Variants in FBN3 observed in about 807,000 individuals in gnomAD.
The protein encoded by FBN3 is fibrillin 3.
In FBN3, 234 loss-of-function variants were observed where a neutral mutation model predicts 330.1. That is an observed-to-expected ratio of 0.71 (90% CI 0.64 to 0.79). The LOEUF is 0.79. Ranked by LOEUF, FBN3 falls within the 30% of genes least tolerant of loss-of-function variation. The pLI is 0.00. For missense variants in FBN3, 3,606 were observed against 3,886.9 expected (o/e 0.93, Z 1.92); for synonymous variants, 1,458 against 1,517.3 (o/e 0.96, Z 0.91).
intron 39 of FBN3, 115 bp downstream of exon 39, chr19:8,103,447 C>T: frequency 1.9e-6 from 2 of 1,067,362 alleles, no homozygotes; most frequent in Non-Finnish European, 2.7e-6. Context: ...CACATGTCAG[C>T]ACTTCATATA....
Position 8,123,500 on chromosome 19 carries a change from C to A in FBN3, c.3046G>T (p.Gly1016Cys). The change falls in exon 24 of 64, where the codon GGC becomes TGC. Residue 1016 changes from glycine to cysteine, a missense_variant. Physicochemically the swap from Gly to Cys is radical, Grantham distance 159 (BLOSUM62 -3). Transcript: ENST00000600128. ...CGTTCCTGGGCATCCAGGGCGAAGC[C>A]CCCCGCACAGGCGCAGTGGAAGCTG... ...VGSFHCACAG[G>C]FALDAQERNC... The A allele has an allele frequency of 6.2e-7, 1 of 1,614,148 alleles. No individual in the cohort carries two copies. The highest frequency in any genetic ancestry group is 8.5e-7 in the Non-Finnish European group (1 of 1,180,010).
Position 8,096,768 on chromosome 19 carries a change from AC to A in FBN3, c.5413+112del, listed in dbSNP as rs2082218386. 2.9e-5 allele frequency: 38 copies of A among 1,325,656 alleles called. No homozygotes were observed. In the South Asian group the frequency reaches 4.4e-4, roughly 15 times the overall value. The allele number at this position is 1,325,656 out of a possible 1,614,324, so 82.1% of individuals were successfully genotyped here. ...AACAGACACTCTCAATACATCCCCCACCCCCCTAATAGTATAGAAAAGGAGA... is the reference window on the plus strand; with the variant it reads ...AACAGACACTCTCAATACATCCCCCACCCCCTAATAGTATAGAAAAGGAGA... On this transcript the variant is annotated intron_variant, in intron 43 of 63. Coordinates refer to ENST00000600128, the MANE Select transcript of FBN3 (RefSeq NM_032447.5). This position sits in a 1 kb window ranked among gnomAD's most constrained non-coding sequence, Gnocchi z 4.6.
At chr19:8,084,679 C>T (rs145905612) in intron 56 of FBN3, among the ~76,000 whole-genome samples, 7 of 150,840 alleles carry the variant, frequency 4.6e-5, no homozygotes, top group East Asian at 2.0e-4. Context: ...CTCTGCCTCC[C>T]GGATTCAAGG....
rs370137584 is a variant in FBN3, at chr19:8,109,804, C to A, written c.4334-51G>T. The A allele has an allele frequency of 2.8e-6, 4 of 1,446,852 alleles. No homozygotes were observed. Among genetic ancestry groups the A allele is most frequent in the Admixed American group, 2.6e-5 (1 of 38,144 alleles). The allele number at this position is 1,446,852 out of a possible 1,614,324, so 89.6% of individuals were successfully genotyped here. On this transcript the variant is annotated intron_variant, in intron 34 of 63. Coordinates refer to ENST00000600128, the MANE Select transcript of FBN3 (RefSeq NM_032447.5). This position sits in a 1 kb window ranked among gnomAD's most constrained non-coding sequence, Gnocchi z 5.2. Reference sequence around the variant, plus strand: ...GCAGGGAGCCCCTTCCTCGGCCCCCCTCCCTCCTAGCTTCATCCTGGGAAG... The same window carrying A: ...GCAGGGAGCCCCTTCCTCGGCCCCCATCCCTCCTAGCTTCATCCTGGGAAG...
At chr19:8,139,178 C>G (rs2083357285) in intron 8 of FBN3, among the ~76,000 whole-genome samples, 1 of 151,604 alleles carries the variant, frequency 6.6e-6, no homozygotes, top group African/African-American at 2.4e-5. Context: ...GAAACCCAGT[C>G]TCTACTAAAA....
At chr19:8,087,506 G>C (rs955984026) in intron 53 of FBN3, among the ~76,000 whole-genome samples, 2 of 151,926 alleles carry the variant, frequency 1.3e-5, no homozygotes, top group African/African-American at 4.8e-5. Flanking sequence ...GAGACACTGA[G>C]TCCCAGACCA....
rs1568379350 is a variant in FBN3, at chr19:8,090,213, C to T, written c.6070G>A (p.Gly2024Arg). The change falls in exon 49 of 64, where the codon GGG becomes AGG. Residue 2024 changes from glycine to arginine, a missense_variant. By Grantham distance (125) the Gly-to-Arg change is moderately radical. Transcript: ENST00000600128. ...AAAGCTTTGGGCACCGAGCACTTCC[C>T]AGCCTCAAAACGGGTGAAGCAGAAA... is the stretch of plus-strand genomic sequence containing the variant. ...QSFCFTRFEAGKCSVPKAFNT... is the reference protein window; with the variant it reads ...QSFCFTRFEARKCSVPKAFNT... 1 of 1,614,052 alleles carries T rather than the reference C, an allele frequency of 6.2e-7. No homozygotes were observed. The highest frequency in any genetic ancestry group is 1.1e-5 in the South Asian group (1 of 91,072).
Position 8,066,013 on chromosome 19 carries a change from C to A in FBN3, c.8336G>T (p.Ser2779Ile), listed in dbSNP as rs368512640. 2.0e-5 allele frequency: 33 copies of A among 1,612,882 alleles called. No homozygotes were observed. The highest frequency in any genetic ancestry group is 2.8e-5 in the Non-Finnish European group (33 of 1,180,010). ...GPGTYRLEVV[S>I]HMAGPWGVQP... ...GACACCCCAGGGTCCTGCCATGTGG[C>A]TCACCACCTCCAGCCGGTAGGTTCC... is the stretch of plus-strand genomic sequence containing the variant. Residue 2779 changes from serine to isoleucine, a missense_variant, in exon 64 of 64, where the codon AGC becomes ATC. Transcript: ENST00000600128.
intron 47 of FBN3, among the ~76,000 whole-genome samples, chr19:8,092,860 G>A (rs1599320359): frequency 6.6e-6 from 1 of 152,030 alleles, no homozygotes; most frequent in East Asian, 1.9e-4. Context: ...TAATCTATGA[G>A]GATGCAAAGG....
intron 48 of FBN3, among the ~76,000 whole-genome samples, chr19:8,090,872 G>A (rs1157716090): frequency 1.3e-5 from 2 of 152,106 alleles, no homozygotes; most frequent in East Asian, 1.9e-4. Flanking sequence ...ATCAAACTTG[G>A]TGGTTACTCT....
Position 8,091,464 on chromosome 19 carries a change from C to T in FBN3, c.6031+1G>A. 6.2e-7 allele frequency: 1 copy of T among 1,606,282 alleles called. No individual in the cohort carries two copies. The highest frequency in any genetic ancestry group is 8.5e-7 in the Non-Finnish European group (1 of 1,175,600). ...CTTCCCTAAGCCCTGTGTGGACTTA[C>T]CAAAGCAACGGTGCCCATTGTCAGA... On this transcript the variant is annotated splice_donor_variant, in intron 48 of 63. Coordinates refer to ENST00000600128, the MANE Select transcript of FBN3 (RefSeq NM_032447.5). LOFTEE classifies it high-confidence loss of function.
intron 37 of FBN3, among the ~76,000 whole-genome samples, chr19:8,106,718 T>C (rs1266383024): frequency 7.1e-6 from 1 of 141,484 alleles, no homozygotes; most frequent in African/African-American, 2.7e-5. Context: ...AATGAGTGAA[T>C]GGGTGGATAA....
In FBN3 at chr19:8,109,146, G is replaced by T; in HGVS notation, c.4618+81C>A. 1 of 1,385,368 alleles carries T rather than the reference G, an allele frequency of 7.2e-7. No homozygotes were observed. Among genetic ancestry groups the T allele is most frequent in the Non-Finnish European group, 9.9e-7 (1 of 1,011,764 alleles). 85.8% of individuals were successfully genotyped at this position (1,385,368 alleles called of 1,614,324 possible). A position where few individuals can be genotyped will look rare whatever the true frequency, so the allele number is the denominator to read the frequency against. On this transcript the variant is annotated intron_variant, in intron 36 of 63. Transcript: ENST00000600128. This position sits in a 1 kb window ranked among gnomAD's most constrained non-coding sequence, Gnocchi z 5.2. ...CCTGTCGCCTAAGCCCCCCACCACCGCCATTAGCAGAGGTGACCCCCTAAG... is the reference window on the plus strand; with the variant it reads ...CCTGTCGCCTAAGCCCCCCACCACCTCCATTAGCAGAGGTGACCCCCTAAG...
rs1486604553 is a variant in FBN3, at chr19:8,149,173, G to T, written c.-18+276C>A. On this transcript the variant is annotated intron_variant, in intron 1 of 63. Coordinates refer to ENST00000600128, the MANE Select transcript of FBN3 (RefSeq NM_032447.5). The surrounding 1 kb of genome is among the most constrained non-coding windows in gnomAD (Gnocchi z 5.5). ...CGGGGCGCGATCTCCACCCGGCAGG[G>T]CCCCCGGCCGCGACCACGCTTGGCT... Among the ~76,000 whole-genome samples, 1 of 151,874 alleles carries T rather than the reference G, an allele frequency of 6.6e-6. No individual in the cohort carries two copies. Among genetic ancestry groups the T allele is most frequent in the African/African-American group, 2.4e-5 (1 of 41,390 alleles).
In FBN3 at chr19:8,121,567, A is replaced by G. The variant is rs1187592321; in HGVS notation, c.3083-181T>C. On this transcript the variant is annotated intron_variant, in intron 24 of 63. Coordinates refer to ENST00000600128, the MANE Select transcript of FBN3 (RefSeq NM_032447.5). This position sits in a 1 kb window ranked among gnomAD's most constrained non-coding sequence, Gnocchi z 4.5. ...GCATGATGGGGTGCCGTATGGGGTC[A>G]TCGAATCTGTAGATATGACAGGCAG... Among the ~76,000 whole-genome samples the G allele has an allele frequency of 3.9e-5, 6 of 152,170 alleles. No homozygotes were observed. Among genetic ancestry groups the G allele is most frequent in the African/African-American group, 1.2e-4 (5 of 41,450 alleles).
At position 8,117,052 on chromosome 19, in the gene FBN3, C is replaced by T; in HGVS notation, c.3586+117G>A. ...AGGACCACAGGCCAGGCAGGGGGTG[C>T]CTCGGGTCTGGCTGGCTTCACTATG... On this transcript the variant is annotated intron_variant, in intron 28 of 63. Transcript: ENST00000600128. The T allele has an allele frequency of 2.1e-6, 3 of 1,456,778 alleles. 1 individual carries two copies. The South Asian group carries it at 4.1e-5, about 20-fold the overall frequency. The allele number at this position is 1,456,778 out of a possible 1,614,324, so 90.2% of individuals were successfully genotyped here.
Position 8,126,893 on chromosome 19 carries a change from G to A in FBN3, c.2297-61C>T. Reference sequence around the variant, plus strand: ...AGGAGGAGTTGCCTTACCTGGCCAGGACCCCTCCTCCCCAAGGGGCCGCCG... The same window carrying A: ...AGGAGGAGTTGCCTTACCTGGCCAGAACCCCTCCTCCCCAAGGGGCCGCCG... On this transcript the variant is annotated intron_variant, in intron 18 of 63. Coordinates refer to ENST00000600128, the MANE Select transcript of FBN3 (RefSeq NM_032447.5). 6 of 1,502,250 alleles carry A rather than the reference G, an allele frequency of 4.0e-6. No homozygotes were observed. In the South Asian group the frequency reaches 5.5e-5, roughly 14 times the overall value. 93.1% of individuals were successfully genotyped at this position (1,502,250 alleles called of 1,614,324 possible). A position where few individuals can be genotyped will look rare whatever the true frequency, so the allele number is the denominator to read the frequency against.
chr19:8,114,563 T>G (rs1809973324), intron 30 of FBN3, among the ~76,000 whole-genome samples: 2 of 152,006 alleles, frequency 1.3e-5, no homozygotes, highest in African/African-American at 4.8e-5. Flanking sequence ...TTTAAAATTT[T>G]TAATATAGAT....
In FBN3 at chr19:8,109,802, C is replaced by G; in HGVS notation, c.4334-49G>C. On this transcript the variant is annotated intron_variant, in intron 34 of 63. Transcript: ENST00000600128. This position sits in a 1 kb window ranked among gnomAD's most constrained non-coding sequence, Gnocchi z 5.2. The stretch of plus-strand genomic sequence containing the variant: ...CAGCAGGGAGCCCCTTCCTCGGCCC[C>G]CCTCCCTCCTAGCTTCATCCTGGGA... 6.9e-7 allele frequency: 1 copy of G among 1,445,622 alleles called. No individual in the cohort carries two copies. The highest frequency in any genetic ancestry group is 1.4e-5 in the African/African-American group (1 of 69,316). 89.5% of individuals were successfully genotyped at this position (1,445,622 alleles called of 1,614,324 possible).
Sources: gnomAD v4.1 joint callset for allele counts (sites outside exome capture counted in the v4.1 genomes callset) on GRCh38, gnomAD v4.1.1 for gene constraint, Gnocchi (gnomAD v3.1) non-coding constraint, MANE v1.5 for transcripts, NCBI Gene and HGNC (gene_info 2026-07-23, HGNC 2026-07-21) for gene names.